Variants in WWOX observed in about 807,000 individuals in gnomAD.
WWOX encodes the protein WW domain-containing oxidoreductase.
Under a neutral mutation model 46.2 loss-of-function variants are expected in WWOX, and 69 were observed. The ratio of observed to expected loss-of-function variants is 1.49; its 90% CI spans 1.23 to 1.82. WWOX has a LOEUF of 1.82. WWOX is among the 40% of genes most tolerant of loss of function. The pLI, the probability that WWOX is intolerant of heterozygous loss-of-function variation, is 0.00. For missense variants in WWOX, 919 were observed against 542.6 expected (o/e 1.69, Z -6.89); for synonymous variants, 359 against 202.6 (o/e 1.77, Z -6.56).
rs552034780 is a variant in WWOX at position 79,085,078 on chromosome 16, G to A, written c.1057-126530G>A. On this transcript the variant is annotated intron_variant, in intron 8 of 8. Coordinates refer to ENST00000566780, the MANE Select transcript of WWOX (RefSeq NM_016373.4). ...AGTGCTGGGATTACAGGCATGAGTC[G>A]CCACACTCAATTATACACTTAAATA... is the stretch of plus-strand genomic sequence containing the variant. 1.8e-3 allele frequency among the ~76,000 whole-genome samples: 276 copies of A among 152,108 alleles called. 1 individual carries two copies. Among genetic ancestry groups the A allele is most frequent in the Non-Finnish European group, 3.5e-3 (236 of 67,998 alleles).
intron 5 of WWOX, among the ~76,000 whole-genome samples, chr16:78,227,599 G>A (rs530424580): frequency 5.9e-5 from 9 of 152,242 alleles, no homozygotes; most frequent in Non-Finnish European, 7.4e-5. Context: ...TACAAGGGCC[G>A]GATGCGGTGG....
At position 78,729,036 on chromosome 16, in the gene WWOX, A is replaced by G. The variant is rs116204826; in HGVS notation, c.1056+296284A>G. ...CATCCCCCTAAAGATATCCCGCCCCACCAAAGATATCCCTAAAGACATCCT... is the reference window on the plus strand; with the variant it reads ...CATCCCCCTAAAGATATCCCGCCCCGCCAAAGATATCCCTAAAGACATCCT... On this transcript the variant is annotated intron_variant, in intron 8 of 8. Transcript: ENST00000566780. Among the ~76,000 whole-genome samples, 1,161 of 152,184 alleles carry G rather than the reference A, an allele frequency of 7.6e-3. 19 individuals are homozygous for G. Among genetic ancestry groups the G allele is most frequent in the African/African-American group, 0.027 (1,123 of 41,538 alleles).
intron 6 of WWOX, among the ~76,000 whole-genome samples, chr16:78,423,736 C>T (rs368945731): frequency 5.9e-5 from 9 of 151,588 alleles, no homozygotes; most frequent in African/African-American, 2.2e-4. Flanking sequence ...GTCCCAGTTA[C>T]TCGGGAGGCT....
intron 5 of WWOX, among the ~76,000 whole-genome samples, chr16:78,318,337 A>G (rs899360196): frequency 3.4e-4 from 48 of 141,102 alleles, no homozygotes; most frequent in Non-Finnish European, 5.0e-4. Flanking sequence ...TTTGAGGGCA[A>G]TGGAGACAGG....
At chr16:78,923,412 A>G (rs528591885) in intron 8 of WWOX, among the ~76,000 whole-genome samples, 35 of 152,298 alleles carry the variant, frequency 2.3e-4, no homozygotes, top group African/African-American at 8.4e-4. Context: ...CTTCTATATA[A>G]GTCCCAGGTC....
chr16:78,213,932 A>G (rs1409435672), intron 5 of WWOX, among the ~76,000 whole-genome samples: 2 of 152,094 alleles, frequency 1.3e-5, no homozygotes, highest in African/African-American at 4.8e-5. Context: ...GGGTGTGAGC[A>G]TGTCACGCTG....
intron 8 of WWOX, among the ~76,000 whole-genome samples, chr16:79,134,998 T>G (rs1224590565): frequency 6.6e-6 from 1 of 152,210 alleles, no homozygotes; most frequent in African/African-American, 2.4e-5. Flanking sequence ...GATTTGAAAT[T>G]GAAATGAGGG....
intron 6 of WWOX, among the ~76,000 whole-genome samples, chr16:78,398,309 T>C (rs2082334985): frequency 6.6e-6 from 1 of 152,212 alleles, no homozygotes; most frequent in Non-Finnish European, 1.5e-5. Context: ...CAACCCAGGC[T>C]TCTCTGCTCC....
At chr16:78,497,725 C>T (rs190448637) in intron 8 of WWOX, among the ~76,000 whole-genome samples, 26 of 152,248 alleles carry the variant, frequency 1.7e-4, no homozygotes, top group African/African-American at 5.8e-4. Context: ...AAAATGTGGA[C>T]TCTCAGCAGG....
intron 5 of WWOX, among the ~76,000 whole-genome samples, chr16:78,378,276 C>T (rs1329477985): frequency 1.3e-5 from 2 of 152,028 alleles, no homozygotes; most frequent in East Asian, 3.9e-4. Flanking sequence ...TCTCAAACTC[C>T]CCTTTCCTGC....
At chr16:78,993,807 G>A (rs575115092) in intron 8 of WWOX, among the ~76,000 whole-genome samples, 2 of 152,336 alleles carry the variant, frequency 1.3e-5, no homozygotes, top group South Asian at 4.1e-4. Context: ...CAGCTTGGAT[G>A]GCATCGGAAC....
intron 8 of WWOX, among the ~76,000 whole-genome samples, chr16:78,883,551 C>G (rs1044930417): frequency 6.6e-6 from 1 of 151,956 alleles, no homozygotes. Flanking sequence ...TGGCAAAACC[C>G]CATCTCTACT....
chr16:78,746,116 C>A (rs1210913045), intron 8 of WWOX, among the ~76,000 whole-genome samples: 3 of 152,150 alleles, frequency 2.0e-5, no homozygotes, highest in Admixed American at 6.6e-5. Context: ...TGTGATTTGT[C>A]CAAGGACATC....
chr16:78,693,472 A>G lies in WWOX; in HGVS notation c.1056+260720A>G, dbSNP rs576933844. 6.6e-5 allele frequency among the ~76,000 whole-genome samples: 10 copies of G among 152,250 alleles called. No homozygotes were observed. In the South Asian group the frequency reaches 2.1e-3, roughly 32 times the overall value. ...AGTTTTCCAGCTTCTATTTTTTTCCACATAATCCCTAACCATGATAATACA... is the reference window on the plus strand; with the variant it reads ...AGTTTTCCAGCTTCTATTTTTTTCCGCATAATCCCTAACCATGATAATACA... On this transcript the variant is annotated intron_variant, in intron 8 of 8. Coordinates refer to ENST00000566780, the MANE Select transcript of WWOX (RefSeq NM_016373.4).
At chr16:78,226,897 C>A (rs1310923137) in intron 5 of WWOX, among the ~76,000 whole-genome samples, 2 of 152,162 alleles carry the variant, frequency 1.3e-5, no homozygotes, top group African/African-American at 4.8e-5. Flanking sequence ...GCACCCCTTG[C>A]CTTTCAAAGT....
intron 8 of WWOX, among the ~76,000 whole-genome samples, chr16:78,744,719 A>C (rs2049308543): frequency 6.6e-6 from 1 of 152,164 alleles, no homozygotes; most frequent in Non-Finnish European, 1.5e-5. Context: ...GGCGTGAGCC[A>C]CTGTGTATTT....
rs74825087 is a variant in WWOX at position 78,944,389 on chromosome 16, C to G, written c.1057-267219C>G. Among the ~76,000 whole-genome samples, 521 of 152,268 alleles carry G rather than the reference C, an allele frequency of 3.4e-3. 5 individuals carry two copies. The highest frequency in any genetic ancestry group is 0.011 in the African/African-American group (448 of 41,552). On this transcript the variant is annotated intron_variant, in intron 8 of 8. Transcript: ENST00000566780. ...TGTCTTATCTTCAAGGTGCTCAAGA[C>G]ACGTTTGTTGCATCAGTTGAATGGA...
In WWOX at chr16:78,694,556, G is replaced by A. The variant is rs183372395; in HGVS notation, c.1056+261804G>A. On this transcript the variant is annotated intron_variant, in intron 8 of 8. Coordinates refer to ENST00000566780, the MANE Select transcript of WWOX (RefSeq NM_016373.4). Reference sequence around the variant, plus strand: ...TCCACTTTGCCTCTGGTAGCAGCCTGCATGGTGTGTATATTGAACACTAGA... The same window carrying A: ...TCCACTTTGCCTCTGGTAGCAGCCTACATGGTGTGTATATTGAACACTAGA... 3.5e-4 allele frequency among the ~76,000 whole-genome samples: 53 copies of A among 152,258 alleles called. No homozygotes were observed. The South Asian group carries it at 6.6e-3, about 19-fold the overall frequency.
At chr16:79,130,148 C>G (rs895415794) in intron 8 of WWOX, among the ~76,000 whole-genome samples, 8 of 152,302 alleles carry the variant, frequency 5.3e-5, no homozygotes, top group Admixed American at 2.0e-4. Flanking sequence ...TGCCCAAGCT[C>G]ACAGTCACAG....
Sources: gnomAD v4.1 joint callset for allele counts (sites outside exome capture counted in the v4.1 genomes callset) on GRCh38, gnomAD v4.1.1 for gene constraint, MANE v1.5 for transcripts, NCBI Gene and HGNC (gene_info 2026-07-23, HGNC 2026-07-21) for gene names.